Variants in RFTN1 observed in about 807,000 individuals in gnomAD.
The protein encoded by RFTN1 is raftlin, lipid raft linker 1.
In RFTN1, 26 loss-of-function variants were observed where a neutral mutation model predicts 46.5. The ratio of observed to expected loss-of-function variants is 0.56; its 90% CI spans 0.41 to 0.78. RFTN1 has a LOEUF of 0.78. RFTN1 is among the 30% of genes least tolerant of loss of function. The pLI, the probability that RFTN1 is intolerant of heterozygous loss-of-function variation, is 0.00. For synonymous variants in RFTN1, 261 were observed against 284.2 expected (o/e 0.92, Z 0.82); for missense variants, 693 against 718.7 (o/e 0.96, Z 0.41).
At position 16,356,493 on chromosome 3, in the gene RFTN1, GCCC is replaced by G. The variant is rs35477897; in HGVS notation, c.1146+1436_1146+1438del. On this transcript the variant is annotated intron_variant, in intron 7 of 9. Transcript: ENST00000334133. The surrounding 1 kb of genome is among the most constrained non-coding windows in gnomAD (Gnocchi z 4.9). Reference sequence around the variant, plus strand: ...CTCATCCCTGTTCAGACGCAGGTATGCCCCCCAACAGCCTTGCTCCTCACTTCA... The same window carrying G: ...CTCATCCCTGTTCAGACGCAGGTATGCCCAACAGCCTTGCTCCTCACTTCA... Among the ~76,000 whole-genome samples, 55,595 of 151,938 alleles carry G rather than the reference GCCC, an allele frequency of 0.37. 10,884 individuals carry two copies. The highest frequency in any genetic ancestry group is 0.45 in the East Asian group (2,298 of 5,158).
chr3:16,411,725 C>T (rs557957685), intron 3 of RFTN1, among the ~76,000 whole-genome samples: 9 of 152,212 alleles, frequency 5.9e-5, no homozygotes, highest in African/African-American at 1.9e-4. Context: ...AGGTCTCAAA[C>T]AACAAAAATC....
intron 4 of RFTN1, among the ~76,000 whole-genome samples, chr3:16,398,592 C>T (rs2074530842): frequency 6.6e-6 from 1 of 152,140 alleles, no homozygotes. Flanking sequence ...ATCCAGGTGC[C>T]CCATGGCCAC....
In RFTN1 at chr3:16,317,387, C is replaced by A. The variant is rs769616974; in HGVS notation, c.1333-155G>T. The stretch of plus-strand genomic sequence containing the variant: ...GGCAGTACAGGCACCAAACTTGAAT[C>A]GCACACTATCACATCACACCCACCC... On this transcript the variant is annotated intron_variant, in intron 9 of 9. Coordinates refer to ENST00000334133, the MANE Select transcript of RFTN1 (RefSeq NM_015150.2). This position sits in a 1 kb window ranked among gnomAD's most constrained non-coding sequence, Gnocchi z 4.3. Among the ~76,000 whole-genome samples the A allele has an allele frequency of 2.0e-5, 3 of 152,006 alleles. No individual in the cohort carries two copies. Among genetic ancestry groups the A allele is most frequent in the Non-Finnish European group, 4.4e-5 (3 of 68,006 alleles).
chr3:16,439,707 G>A (rs2075584282), intron 2 of RFTN1, among the ~76,000 whole-genome samples: 1 of 152,130 alleles, frequency 6.6e-6, no homozygotes, highest in African/African-American at 2.4e-5. Context: ...GGAGAGGCTG[G>A]AAGATACCCA....
chr3:16,401,859 T>C (rs925179682), intron 4 of RFTN1, among the ~76,000 whole-genome samples: 1 of 152,234 alleles, frequency 6.6e-6, no homozygotes, highest in Non-Finnish European at 1.5e-5. Context: ...TTTGGGTCCA[T>C]ATTTCCACCA....
In RFTN1 at chr3:16,489,412, C is replaced by T. The variant is rs1156233810; in HGVS notation, c.145+4313G>A. ...CAGCCTGGGCAACAGAGTGAGACTTCGCTTCAAAAAAAAATCAGTGATGGA... is the reference window on the plus strand; with the variant it reads ...CAGCCTGGGCAACAGAGTGAGACTTTGCTTCAAAAAAAAATCAGTGATGGA... On this transcript the variant is annotated intron_variant, in intron 2 of 9. Transcript: ENST00000334133. The surrounding 1 kb of genome is among the most constrained non-coding windows in gnomAD (Gnocchi z 4.0). 1.3e-5 allele frequency among the ~76,000 whole-genome samples: 2 copies of T among 151,362 alleles called. No individual in the cohort carries two copies. Among genetic ancestry groups the T allele is most frequent in the East Asian group, 3.9e-4 (2 of 5,150 alleles).
chr3:16,350,775 C>A (rs2125318039), intron 7 of RFTN1, among the ~76,000 whole-genome samples: 2 of 152,166 alleles, frequency 1.3e-5, no homozygotes, highest in South Asian at 2.1e-4. Context: ...ATCCCTATCA[C>A]AGGAAAAAGG....
At position 16,374,416 on chromosome 3, in the gene RFTN1, A is replaced by G. The variant is rs368749157; in HGVS notation, c.826+3302T>C. Among the ~76,000 whole-genome samples, 2 of 152,156 alleles carry G rather than the reference A, an allele frequency of 1.3e-5. No homozygotes were observed. Among genetic ancestry groups the G allele is most frequent in the Non-Finnish European group, 2.9e-5 (2 of 68,014 alleles). The stretch of plus-strand genomic sequence containing the variant: ...GGCAGATCTGGGAGGGGGCCGCATC[A>G]TGGGGTCCAACTATCCCAAGGGAGT... On this transcript the variant is annotated intron_variant, in intron 5 of 9. Transcript: ENST00000334133. The surrounding 1 kb of genome is among the most constrained non-coding windows in gnomAD (Gnocchi z 5.4).
chr3:16,388,614 A>T (rs1173141958), intron 4 of RFTN1, among the ~76,000 whole-genome samples: 2 of 152,218 alleles, frequency 1.3e-5, no homozygotes, highest in Non-Finnish European at 2.9e-5. Context: ...ATTGCTGTTA[A>T]AATGTGCAGT....
chr3:16,323,157 C>T (rs2069273936), intron 9 of RFTN1, among the ~76,000 whole-genome samples: 1 of 152,116 alleles, frequency 6.6e-6, no homozygotes, highest in Admixed American at 6.6e-5. Context: ...TCCTTCTGGC[C>T]GGCCCAGCAG....
At position 16,466,892 on chromosome 3, in the gene RFTN1, TACAG is replaced by T. The variant is rs2076103572; in HGVS notation, c.145+26829_145+26832del. Among the ~76,000 whole-genome samples, 1 of 152,092 alleles carries T rather than the reference TACAG, an allele frequency of 6.6e-6. No individual in the cohort carries two copies. Among genetic ancestry groups the T allele is most frequent in the African/African-American group, 2.4e-5 (1 of 41,402 alleles). ...ACAAGTCAAGACACAGTAATTACGC[TACAG>T]ACAAAGGGAGGGAGGATAAAAAGGA... On this transcript the variant is annotated intron_variant, in intron 2 of 9. Transcript: ENST00000334133. The surrounding 1 kb of genome is among the most constrained non-coding windows in gnomAD (Gnocchi z 5.6).
chr3:16,390,390 C>T (rs2074316410), intron 4 of RFTN1, among the ~76,000 whole-genome samples: 1 of 152,186 alleles, frequency 6.6e-6, no homozygotes. Flanking sequence ...CAGAGATCTG[C>T]TTTAATAAAG....
At position 16,387,570 on chromosome 3, in the gene RFTN1, T is replaced by TTCTCTCTCTCTCTCTCTC. The variant is rs3054539; in HGVS notation, c.442-9486_442-9469dup. Among the ~76,000 whole-genome samples, 1,455 of 116,414 alleles carry TTCTCTCTCTCTCTCTCTC rather than the reference T, an allele frequency of 0.012. 102 individuals are homozygous for TTCTCTCTCTCTCTCTCTC. Among genetic ancestry groups the TTCTCTCTCTCTCTCTCTC allele is most frequent in the African/African-American group, 0.019 (491 of 25,596 alleles). 76.4% of individuals were successfully genotyped at this position (116,414 alleles called of 152,430 possible). A position where few individuals can be genotyped will look rare whatever the true frequency, so the allele number is the denominator to read the frequency against. ...CACTTCTCTCTTCTATATCCTCAAT[T>TTCTCTCTCTCTCTCTCTC]TCTCTCTCTCTCTCTCTCTCTCTCT... On this transcript the variant is annotated intron_variant, in intron 4 of 9. Coordinates refer to ENST00000334133, the MANE Select transcript of RFTN1 (RefSeq NM_015150.2). This position sits in a 1 kb window ranked among gnomAD's most constrained non-coding sequence, Gnocchi z 5.2.
chr3:16,467,423 A>T (rs771952686), intron 2 of RFTN1, among the ~76,000 whole-genome samples: 12 of 152,282 alleles, frequency 7.9e-5, no homozygotes, highest in Non-Finnish European at 1.3e-4. Flanking sequence ...CATTCCACAC[A>T]GGCCCTACAC....
rs1218648422 is a variant in RFTN1 at position 16,377,752 on chromosome 3, G to A, written c.792C>T (p.Asn264=). The change falls in exon 5 of 10, where the codon AAC becomes AAT. Residue 264 remains asparagine (N), a synonymous_variant. Transcript: ENST00000334133. ...VSKTLDGPES[N]PLEVHEEPLS... ...GTGGCTCTTCATGCACCTCCAAGGGGTTGCTCTCCGGTCCATCCAGTGTCT... is the reference window on the plus strand; with the variant it reads ...GTGGCTCTTCATGCACCTCCAAGGGATTGCTCTCCGGTCCATCCAGTGTCT... 2 of 1,608,902 alleles carry A rather than the reference G, an allele frequency of 1.2e-6. No individual in the cohort carries two copies. Among genetic ancestry groups the A allele is most frequent in the Admixed American group, 1.7e-5 (1 of 59,876 alleles).
In RFTN1 at chr3:16,442,670, T is replaced by C. The variant is rs893950575; in HGVS notation, c.146-8633A>G. ...TATAGTCCCCATGTTGTACATTAGA[T>C]CTCTAGATTTACTTATCATACATAA... is the stretch of plus-strand genomic sequence containing the variant. On this transcript the variant is annotated intron_variant, in intron 2 of 9. Transcript: ENST00000334133. This position sits in a 1 kb window ranked among gnomAD's most constrained non-coding sequence, Gnocchi z 4.1. 6.6e-6 allele frequency among the ~76,000 whole-genome samples: 1 copy of C among 152,176 alleles called. No individual in the cohort carries two copies.
chr3:16,332,511 G>A (rs1467863636), intron 7 of RFTN1, among the ~76,000 whole-genome samples: 2 of 150,890 alleles, frequency 1.3e-5, no homozygotes, highest in African/African-American at 4.9e-5. Context: ...TATCTCCACG[G>A]TTCCCAGGTT....
In RFTN1 at chr3:16,382,373, C is replaced by T. The variant is rs1965432; in HGVS notation, c.442-4271G>A. Reference sequence around the variant, plus strand: ...CCTCTTTTTCAGAAAGTCATTTGACCGTGTACTTATGGCTAAAGTAAATCC... The same window carrying T: ...CCTCTTTTTCAGAAAGTCATTTGACTGTGTACTTATGGCTAAAGTAAATCC... On this transcript the variant is annotated intron_variant, in intron 4 of 9. Transcript: ENST00000334133. The surrounding 1 kb of genome is among the most constrained non-coding windows in gnomAD (Gnocchi z 4.7). Among the ~76,000 whole-genome samples, 49,147 of 151,802 alleles carry T rather than the reference C, an allele frequency of 0.32. 8,125 individuals carry two copies. The highest frequency in any genetic ancestry group is 0.49 in the Middle Eastern group (144 of 294).
chr3:16,345,725 A>G lies in RFTN1; in HGVS notation c.1146+12207T>C, dbSNP rs1437200216. 1.3e-5 allele frequency among the ~76,000 whole-genome samples: 2 copies of G among 152,024 alleles called. No individual in the cohort carries two copies. The highest frequency in any genetic ancestry group is 2.9e-5 in the Non-Finnish European group (2 of 68,016). On this transcript the variant is annotated intron_variant, in intron 7 of 9. Transcript: ENST00000334133. This position sits in a 1 kb window ranked among gnomAD's most constrained non-coding sequence, Gnocchi z 5.2. ...GCTTTCCTGGGTCTCCAGCTTGCAG[A>G]TAGCAGACTGTGGGACTCCTCAGCC...
Sources: allele counts gnomAD v4.1 joint callset (sites outside exome capture counted in the v4.1 genomes callset), GRCh38; gene constraint gnomAD v4.1.1; non-coding constraint Gnocchi (gnomAD v3.1); transcripts MANE v1.5; gene names NCBI Gene and HGNC (gene_info 2026-07-23, HGNC 2026-07-21).